Variants in PIGL observed in about 807,000 individuals in gnomAD.
The protein encoded by PIGL is phosphatidylinositol glycan anchor biosynthesis class L.
A neutral mutation model predicts 31.1 loss-of-function variants in PIGL; 22 were observed. The ratio of observed to expected loss-of-function variants is 0.71; its 90% CI spans 0.51 to 1.01. The LOEUF (loss-of-function observed/expected upper bound fraction) is 1.01, where lower values mean the gene tolerates loss of function less well. Among genes scored for constraint, PIGL ranks in the 50% least tolerant of loss-of-function variants. The pLI, the probability that PIGL is intolerant of heterozygous loss-of-function variation, is 0.00. For synonymous variants in PIGL, 131 were observed against 117.4 expected, an observed-to-expected ratio of 1.12 and a Z score of -0.75; for missense variants, 302 against 315.9, an observed-to-expected ratio of 0.96 and a Z score of 0.33.
chr17:16,291,982 A>T (rs1234198294), intron 2 of PIGL, among the ~76,000 whole-genome samples: 1 of 151,972 alleles, frequency 6.6e-6, no homozygotes, highest in Non-Finnish European at 1.5e-5. Flanking sequence ...AAAAAGGATT[A>T]AAAAGTAGAT....
rs35319034 is a variant in PIGL, at chr17:16,261,537, T to C, written c.335+27467T>C. On this transcript the variant is annotated intron_variant, in intron 2 of 6. Transcript: ENST00000225609. ...CCACATAGCTCATCAGGGATTGATA[T>C]TCAGAATATATAAAGAAGTCTTACA... 8.8e-3 allele frequency among the ~76,000 whole-genome samples: 1,338 copies of C among 152,204 alleles called. 5 individuals carry two copies. The highest frequency in any genetic ancestry group is 0.014 in the Non-Finnish European group (923 of 68,014).
chr17:16,262,846 A>G (rs1312637837), intron 2 of PIGL, among the ~76,000 whole-genome samples: 1 of 152,218 alleles, frequency 6.6e-6, no homozygotes, highest in African/African-American at 2.4e-5. Flanking sequence ...GATAAACAAA[A>G]TGTAGTATGT....
chr17:16,250,138 G>C (rs148968868), intron 2 of PIGL, among the ~76,000 whole-genome samples: 1,758 of 152,132 alleles, frequency 0.012, 46 homozygotes, highest in African/African-American at 0.04. Flanking sequence ...GTAGAGTCAG[G>C]GTTTCCCCAT....
chr17:16,299,779 C>A, intron 2 of PIGL, 109 bp from the exon 3 acceptor site: 1 of 780,424 alleles, frequency 1.3e-6, no homozygotes, highest in Non-Finnish European at 2.3e-6. Flanking sequence ...GGGCAGGGAC[C>A]CTTACCCCCA....
intron 3 of PIGL, among the ~76,000 whole-genome samples, chr17:16,313,100 C>T (rs987166388): frequency 4.6e-5 from 7 of 152,136 alleles, no homozygotes; most frequent in South Asian, 2.1e-4. Context: ...TTTCCATGAA[C>T]TCAACCCCAG....
chr17:16,283,269 CTGGGATTACAGGCG>C (rs550689919), intron 2 of PIGL, among the ~76,000 whole-genome samples: 31 of 152,128 alleles, frequency 2.0e-4, no homozygotes, highest in Non-Finnish European at 4.3e-4. Flanking sequence ...TCCCAAAGTG[CTGGGATTACAGGCG>C]TGAGCCACTG....
chr17:16,218,460 G>C (rs2142621399), intron 1 of PIGL, among the ~76,000 whole-genome samples: 1 of 152,212 alleles, frequency 6.6e-6, no homozygotes, highest in Middle Eastern at 3.4e-3. Context: ...ATATTAATTA[G>C]ATCTAAATGT....
intron 2 of PIGL, among the ~76,000 whole-genome samples, chr17:16,263,403 C>G (rs771831941): frequency 2.0e-5 from 3 of 152,050 alleles, no homozygotes; most frequent in Non-Finnish European, 2.9e-5. Flanking sequence ...TGGTCTCAAA[C>G]TCATGACTGC....
chr17:16,224,116 G>A (rs2092641268), intron 1 of PIGL, among the ~76,000 whole-genome samples: 3 of 151,594 alleles, frequency 2.0e-5, no homozygotes. Flanking sequence ...TCAGGAGGCT[G>A]AGGCAGGAGA....
chr17:16,297,854 C>T (rs1327970446), intron 2 of PIGL, among the ~76,000 whole-genome samples: 1 of 152,128 alleles, frequency 6.6e-6, no homozygotes, highest in Non-Finnish European at 1.5e-5. Flanking sequence ...GTTCCCAACC[C>T]CCAGGCTGCA....
intron 3 of PIGL, among the ~76,000 whole-genome samples, chr17:16,308,336 A>C (rs1010453421): frequency 8.5e-5 from 13 of 152,138 alleles, no homozygotes; most frequent in Admixed American, 7.9e-4. Context: ...CGTCTCAAAA[A>C]AAAAGAAAAT....
intron 6 of PIGL, among the ~76,000 whole-genome samples, chr17:16,319,199 T>C (rs1444677556): frequency 9.4e-6 from 1 of 105,898 alleles, no homozygotes; most frequent in Non-Finnish European, 1.7e-5. Context: ...CACTCCAGCC[T>C]GGGCAACAGA....
rs187310995 is a variant in PIGL, at chr17:16,295,608, C to T, written c.336-4280C>T. 4.3e-4 allele frequency among the ~76,000 whole-genome samples: 65 copies of T among 151,302 alleles called. 1 individual carries two copies. Among genetic ancestry groups the T allele is most frequent in the Admixed American group, 3.4e-3 (52 of 15,168 alleles). Reference sequence around the variant, plus strand: ...CTCCAGTGAGCTGTGATTGTACCACCGCATTCCAGCCTGGGTGACAGAGCA... The same window carrying T: ...CTCCAGTGAGCTGTGATTGTACCACTGCATTCCAGCCTGGGTGACAGAGCA... On this transcript the variant is annotated intron_variant, in intron 2 of 6. Coordinates refer to ENST00000225609, the MANE Select transcript of PIGL (RefSeq NM_004278.4).
At chr17:16,294,861 A>G (rs1334292849) in intron 2 of PIGL, among the ~76,000 whole-genome samples, 1 of 152,114 alleles carries the variant, frequency 6.6e-6, no homozygotes, top group Admixed American at 6.6e-5. Flanking sequence ...CCTGACATCT[A>G]GTTCCCACCA....
intron 2 of PIGL, chr17:16,282,033 T>C (rs775987417): frequency 1.9e-6 from 1 of 520,232 alleles, no homozygotes; most frequent in East Asian, 5.5e-5. Flanking sequence ...GATCAGCAGA[T>C]CAGGACTGTA....
At chr17:16,222,940 A>T (rs142253773) in intron 1 of PIGL, among the ~76,000 whole-genome samples, 1 of 152,088 alleles carries the variant, frequency 6.6e-6, no homozygotes, top group Non-Finnish European at 1.5e-5. Context: ...TGAACCCAGT[A>T]GGTGGAGATT....
intron 4 of PIGL, among the ~76,000 whole-genome samples, chr17:16,314,677 T>C (rs918771524): frequency 4.6e-5 from 7 of 152,222 alleles, no homozygotes; most frequent in African/African-American, 1.7e-4. Context: ...ATTCGGTTCC[T>C]GGTCCAGCCA....
In PIGL at chr17:16,278,117, G is replaced by A. The variant is rs371598711; in HGVS notation, c.336-21771G>A. Among the ~76,000 whole-genome samples, 244 of 151,188 alleles carry A rather than the reference G, an allele frequency of 1.6e-3. 10 individuals carry two copies. In the South Asian group the frequency reaches 0.048, roughly 30 times the overall value. The stretch of plus-strand genomic sequence containing the variant: ...TTTGCTCAGGCTGGAATGCAGTGAC[G>A]TGATCCCAGCTCACCGCAACCTCTG... On this transcript the variant is annotated intron_variant, in intron 2 of 6. Transcript: ENST00000225609.
At chr17:16,313,723 C>A in intron 4 of PIGL, 109 bp downstream of exon 4, 1 of 878,490 alleles carries the variant, frequency 1.1e-6, no homozygotes, top group Non-Finnish European at 1.9e-6. Flanking sequence ...CCATGAAACT[C>A]ACTGCTGGCT....
Sources: gnomAD v4.1 joint callset for allele counts (sites outside exome capture counted in the v4.1 genomes callset) on GRCh38, gnomAD v4.1.1 for gene constraint, MANE v1.5 for transcripts, NCBI Gene and HGNC (gene_info 2026-07-23, HGNC 2026-07-21) for gene names.